APC: variants seen among roughly 807,000 people sequenced by gnomAD.
APC encodes adenomatous polyposis coli protein.
Under a neutral mutation model 247.0 loss-of-function variants are expected in APC, and 72 were observed. The ratio of observed to expected loss-of-function variants is 0.29; its 90% CI spans 0.24 to 0.35. APC has a LOEUF of 0.35. Ranked by LOEUF, APC falls within the 10% of genes least tolerant of loss-of-function variation. APC has a pLI of 1.00. For missense variants in APC, 3,400 were observed against 3,360.7 expected, an observed-to-expected ratio of 1.01 and a Z score of -0.29; for synonymous variants, 1,254 against 1,162.5, an observed-to-expected ratio of 1.08 and a Z score of -1.60.
intron 1 of APC, among the ~76,000 whole-genome samples, chr5:112,724,283 A>G (rs891214287): frequency 3.9e-5 from 6 of 152,126 alleles, no homozygotes; most frequent in Non-Finnish European, 8.8e-5. Context: ...TCAGAAGCTC[A>G]TAGTCTAATG....
rs199740875 is a variant in APC at position 112,838,271 on chromosome 5, G to T, written c.2677G>T (p.Glu893Ter). The part of the protein sequence containing the change: ...TAAQIAKVME[E>*]VSAIHTSQED... ...AGCCCAGATTGCCAAAGTCATGGAA[G>T]AAGTGTCAGCCATTCATACCTCTCA... The change falls in exon 16 of 16, where the codon GAA becomes TAA. Residue 893 changes from glutamate (E) to a stop codon, truncating the protein, a stop_gained. Coordinates refer to ENST00000257430, the MANE Select transcript of APC (RefSeq NM_000038.6). LOFTEE classifies it high-confidence loss of function. 6.2e-7 allele frequency: 1 copy of T among 1,614,218 alleles called. No individual in the cohort carries two copies.
chr5:112,742,287 A>T (rs1191695125), intron 1 of APC, among the ~76,000 whole-genome samples: 1 of 152,184 alleles, frequency 6.6e-6, no homozygotes, highest in Non-Finnish European at 1.5e-5. Flanking sequence ...TGAAGGCCGT[A>T]AGTTTTCTCC....
At chr5:112,799,183 CAAAAAAAAA>C (rs754181440) in intron 7 of APC, among the ~76,000 whole-genome samples, 1 of 79,888 alleles carries the variant, frequency 1.3e-5, no homozygotes, top group African/African-American at 4.7e-5. Context: ...GACTCTGTCT[CAAAAAAAAA>C]AAAAAAAAAA....
At chr5:112,826,132 A>C (rs1022557725) in intron 11 of APC, among the ~76,000 whole-genome samples, 4 of 151,192 alleles carry the variant, frequency 2.6e-5, no homozygotes, top group Admixed American at 1.3e-4. Context: ...TGCATATTGA[A>C]CTTCCCAGAT....
At position 112,804,068 on chromosome 5, in the gene APC, A is replaced by G. The variant is rs575961104; in HGVS notation, c.834+2685A>G. 8.2e-3 allele frequency among the ~76,000 whole-genome samples: 1,243 copies of G among 152,256 alleles called. 8 individuals carry two copies. Among genetic ancestry groups the G allele is most frequent in the Middle Eastern group, 0.02 (6 of 294 alleles). On this transcript the variant is annotated intron_variant, in intron 8 of 15. Coordinates refer to ENST00000257430, the MANE Select transcript of APC (RefSeq NM_000038.6). ...TGAGTATGTCCAGGCCTTCCACAGG[A>G]CATTCCTTTGGTCTAAAACTGTCTT...
Position 112,794,372 on chromosome 5 carries a change from G to A in APC, c.729+1843G>A, listed in dbSNP as rs1338219449. 5.3e-5 allele frequency among the ~76,000 whole-genome samples: 8 copies of A among 152,114 alleles called. No homozygotes were observed. In the East Asian group the frequency reaches 1.5e-3, roughly 29 times the overall value. On this transcript the variant is annotated intron_variant, in intron 7 of 15. Coordinates refer to ENST00000257430, the MANE Select transcript of APC (RefSeq NM_000038.6). ...TGGGATTACAGGCGTGAGCCACTGC[G>A]CCTGACCCCTGTTAAACCTTTTAAA... is the stretch of plus-strand genomic sequence containing the variant.
intron 14 of APC, among the ~76,000 whole-genome samples, chr5:112,832,705 T>C (rs1029746316): frequency 1.2e-4 from 19 of 152,192 alleles, no homozygotes; most frequent in African/African-American, 4.6e-4. Flanking sequence ...GCAACTGGAT[T>C]CTCTTCTCTG....
chr5:112,836,407 C>T (rs931353079), intron 15 of APC, among the ~76,000 whole-genome samples: 2 of 152,142 alleles, frequency 1.3e-5, no homozygotes, highest in Non-Finnish European at 2.9e-5. Flanking sequence ...GTCTCCCTTT[C>T]TGCTATACAG....
At chr5:112,824,072 A>C (rs1763406579) in intron 11 of APC, among the ~76,000 whole-genome samples, 1 of 152,230 alleles carries the variant, frequency 6.6e-6, no homozygotes. Context: ...TAAAATTATC[A>C]GTCTTTCTTT....
rs183753998 is a variant in APC at position 112,818,576 on chromosome 5, T to C, written c.934-390T>C. Reference sequence around the variant, plus strand: ...AGAAATAAGATAAAGTTTTAAATTATGTAAAGATTTAGATAAACTACATTC... The same window carrying C: ...AGAAATAAGATAAAGTTTTAAATTACGTAAAGATTTAGATAAACTACATTC... On this transcript the variant is annotated intron_variant, in intron 9 of 15. Coordinates refer to ENST00000257430, the MANE Select transcript of APC (RefSeq NM_000038.6). 3.6e-3 allele frequency among the ~76,000 whole-genome samples: 543 copies of C among 152,344 alleles called. 1 individual carries two copies. Among genetic ancestry groups the C allele is most frequent in the Middle Eastern group, 6.8e-3 (2 of 294 alleles).
At chr5:112,783,473 C>T (rs369822998) in intron 6 of APC, among the ~76,000 whole-genome samples, 1 of 151,814 alleles carries the variant, frequency 6.6e-6, no homozygotes, top group Non-Finnish European at 1.5e-5. Context: ...CCCTACTCTA[C>T]AAGGATCACC....
Position 112,838,702 on chromosome 5 carries a change from G to A in APC, c.3108G>A (p.Leu1036=), listed in dbSNP as rs2149884519. The change falls in exon 16 of 16, where the codon TTG becomes TTA. Residue 1036 remains leucine (L), a synonymous_variant. Coordinates refer to ENST00000257430, the MANE Select transcript of APC (RefSeq NM_000038.6). Reference sequence around the variant, plus strand: ...GTCTTAAATATTCAGATGAGCAGTTGAACTCTGGAAGGCAAAGTCCTTCAC... The same window carrying A: ...GTCTTAAATATTCAGATGAGCAGTTAAACTCTGGAAGGCAAAGTCCTTCAC... ...NYSLKYSDEQ[L]NSGRQSPSQN... 5 of 1,614,166 alleles carry A rather than the reference G, an allele frequency of 3.1e-6. No homozygotes were observed. Among genetic ancestry groups the A allele is most frequent in the Non-Finnish European group, 4.2e-6 (5 of 1,180,020 alleles).
chr5:112,784,980 C>T (rs1554073243), intron 6 of APC, among the ~76,000 whole-genome samples: 1 of 152,018 alleles, frequency 6.6e-6, no homozygotes, highest in Non-Finnish European at 1.5e-5. Flanking sequence ...GGTAGGATTG[C>T]TTGAGCTTAG....
Position 112,839,135 on chromosome 5 carries a change from T to G in APC, c.3541T>G (p.Leu1181Val), listed in dbSNP as rs1244861237. The change falls in exon 16 of 16, where the codon TTA (leucine) becomes GTA (valine). Residue 1181 changes from leucine to valine, a missense_variant. By Grantham distance (32) the Leu-to-Val change is conservative. This residue lies in a region of APC where 715 missense variants were observed against 656.6 expected (regional missense o/e 1.09). Coordinates refer to ENST00000257430, the MANE Select transcript of APC (RefSeq NM_000038.6). The surrounding 1 kb of genome is among the most constrained non-coding windows in gnomAD (Gnocchi z 5.0). ...TGTGGATCAGCCTATTGATTATAGTTTAAAATATGCCACAGATATTCCTTC... is the reference window on the plus strand; with the variant it reads ...TGTGGATCAGCCTATTGATTATAGTGTAAAATATGCCACAGATATTCCTTC... ...RHVDQPIDYS[L>V]KYATDIPSSQ... The G allele has an allele frequency of 6.2e-7, 1 of 1,614,098 alleles. No individual in the cohort carries two copies.
intron 7 of APC, among the ~76,000 whole-genome samples, chr5:112,796,020 A>T (rs1228561222): frequency 6.6e-6 from 1 of 152,208 alleles, no homozygotes; most frequent in Non-Finnish European, 1.5e-5. Context: ...TTCTGAATGT[A>T]TTGAAGGGAA....
intron 1 of APC, 71 bp from the exon 2 acceptor site, chr5:112,754,802 C>A (rs1210029376): frequency 7.0e-7 from 1 of 1,434,600 alleles, no homozygotes; most frequent in Non-Finnish European, 9.8e-7. Flanking sequence ...TTTCCTTTAC[C>A]CCTTTCTTTA....
In APC at chr5:112,754,978, A is replaced by G. The variant is rs1754795045; in HGVS notation, c.88A>G (p.Asn30Asp). Residue 30 changes from asparagine (N) to aspartate (D), a missense_variant, in exon 2 of 16, where the codon AAT becomes GAT. Physicochemically the swap from Asn to Asp is conservative, Grantham distance 23. Coordinates refer to ENST00000257430, the MANE Select transcript of APC (RefSeq NM_000038.6). ...AAATCTTCGACAAGAGCTAGAAGAT[A>G]ATTCCAATCATCTTACAAAACTGGA... ...NSNLRQELED[N>D]SNHLTKLETE... The G allele has an allele frequency of 6.2e-7, 1 of 1,613,754 alleles. No individual in the cohort carries two copies. Among genetic ancestry groups the G allele is most frequent in the Non-Finnish European group, 8.5e-7 (1 of 1,179,692 alleles).
At position 112,827,229 on chromosome 5, in the gene APC, T is replaced by C. The variant is rs1554081754; in HGVS notation, c.1530T>C (p.Phe510=). The change falls in exon 12 of 16, where the codon TTT becomes TTC. Residue 510 remains phenylalanine (F), a synonymous_variant. Transcript: ENST00000257430. ...GAATGGCTTTGACAAACTTGACTTT[T>C]GGAGATGTAGCCAACAAGGTATGTT... ...YAGMALTNLT[F]GDVANKATLC... 6.2e-7 allele frequency: 1 copy of C among 1,613,898 alleles called. No homozygotes were observed. The highest frequency in any genetic ancestry group is 8.5e-7 in the Non-Finnish European group (1 of 1,179,882).
chr5:112,752,463 C>T (rs1201498863), intron 1 of APC, among the ~76,000 whole-genome samples: 1 of 152,078 alleles, frequency 6.6e-6, no homozygotes, highest in African/African-American at 2.4e-5. Flanking sequence ...TCCCCTACCC[C>T]ACACTTACAA....
Sources: gnomAD v4.1 joint callset for allele counts (sites outside exome capture counted in the v4.1 genomes callset) on GRCh38, gnomAD v4.1.1 for gene constraint, gnomAD v4.1.1 regional missense constraint, Gnocchi (gnomAD v3.1) non-coding constraint, MANE v1.5 for transcripts, NCBI Gene and HGNC (gene_info 2026-07-23, HGNC 2026-07-21) for gene names.